The following CORO7 variants were observed in gnomAD, a reference collection of about 807,000 sequenced individuals.
The protein encoded by CORO7 is coronin-7.
In CORO7, 107 loss-of-function variants were observed where a neutral mutation model predicts 126.6. The ratio of observed to expected loss-of-function variants is 0.85; its 90% CI spans 0.72 to 0.99. CORO7 has a LOEUF of 0.99. CORO7 is among the 50% of genes least tolerant of loss of function. The probability of loss-of-function intolerance (pLI) is 0.00; values close to 1 mark genes in which losing one functional copy is unlikely to be tolerated. For missense variants in CORO7, 1,314 were observed against 1,255.8 expected (o/e 1.05, Z -0.70); for synonymous variants, 603 against 536.8 (o/e 1.12, Z -1.70).
At chr16:4,391,646 G>A (rs963236433) in intron 7 of CORO7, among the ~76,000 whole-genome samples, 9 of 152,250 alleles carry the variant, frequency 5.9e-5, no homozygotes, top group African/African-American at 2.2e-4. Context: ...CAGGAGGATT[G>A]CTTGAGCCCA....
rs1364335586 is a variant in CORO7 at position 4,388,624 on chromosome 16, T to C, written c.623A>G (p.Gln208Arg). ...GCTATCCCTGCTGTTCTCATGGGCC[T>C]GCGTGCTCTGCAGGAGGCAAGAGGT... Reference protein sequence around the residue: ...RTKPRASQSTQAHENSRDSRL... With the variant: ...RTKPRASQSTRAHENSRDSRL... The change falls in exon 8 of 28, where the codon CAG becomes CGG. Residue 208 changes from glutamine to arginine, a missense_variant. Physicochemically the swap from Gln to Arg is conservative, Grantham distance 43. Transcript: ENST00000251166. 4 of 1,611,278 alleles carry C rather than the reference T, an allele frequency of 2.5e-6. No homozygotes were observed. Among genetic ancestry groups the C allele is most frequent in the East Asian group, 2.2e-5 (1 of 44,834 alleles).
At chr16:4,401,156 G>T (rs1036300330) in intron 6 of CORO7, among the ~76,000 whole-genome samples, 3 of 152,230 alleles carry the variant, frequency 2.0e-5, no homozygotes, top group South Asian at 4.1e-4. Flanking sequence ...GAAGAACTTA[G>T]ACCTGGTCAT....
intron 9 of CORO7, among the ~76,000 whole-genome samples, chr16:4,373,454 C>T (rs965594837): frequency 5.3e-5 from 8 of 152,116 alleles, no homozygotes; most frequent in African/African-American, 1.9e-4. Context: ...GGTCCCAGGG[C>T]ATTTGTCCAG....
In CORO7 at chr16:4,407,572, T is replaced by A. The variant is rs747998521; in HGVS notation, c.416A>T (p.Asp139Val). ...VEVLQFHPTS[D>V]GILVSAAGTT... ...GCCTGCTGCGCTCACCAGAATGCCG[T>A]CAGAGGTGGGGTGGAACTGCAGTAC... Residue 139 changes from aspartate (D) to valine (V), a missense_variant, in exon 5 of 28, where the codon GAC becomes GTC. Coordinates refer to ENST00000251166, the MANE Select transcript of CORO7 (RefSeq NM_024535.5). The A allele has an allele frequency of 5.0e-6, 8 of 1,588,116 alleles. No homozygotes were observed. In the East Asian group the frequency reaches 1.8e-4, roughly 37 times the overall value.
At chr16:4,384,828 C>T (rs898921885) in intron 9 of CORO7, among the ~76,000 whole-genome samples, 23 of 152,178 alleles carry the variant, frequency 1.5e-4, no homozygotes, top group African/African-American at 3.1e-4. Flanking sequence ...GGAGTGGCTG[C>T]GGCCAGGCCT....
chr16:4,380,201 C>T (rs1156337809), intron 9 of CORO7, among the ~76,000 whole-genome samples: 10 of 152,302 alleles, frequency 6.6e-5, no homozygotes, highest in South Asian at 6.2e-4. Flanking sequence ...CTCAGCTCCC[C>T]GCCTCCCTCC....
At chr16:4,392,131 T>C (rs981852881) in intron 7 of CORO7, among the ~76,000 whole-genome samples, 4 of 152,092 alleles carry the variant, frequency 2.6e-5, no homozygotes, top group Non-Finnish European at 2.9e-5. Context: ...GAGGGCTCAA[T>C]CCGGGGCCCC....
chr16:4,374,020 CAAG>C (rs2054625840), intron 9 of CORO7, among the ~76,000 whole-genome samples: 1 of 152,258 alleles, frequency 6.6e-6, no homozygotes, highest in African/African-American at 2.4e-5. Context: ...TCTGTGCTGC[CAAG>C]AAAACCAGCT....
intron 7 of CORO7, among the ~76,000 whole-genome samples, chr16:4,394,045 G>A (rs938817537): frequency 7.2e-5 from 11 of 151,986 alleles, no homozygotes; most frequent in South Asian, 4.2e-4. Flanking sequence ...AGTTTCCAGC[G>A]AGCCGAGATT....
At chr16:4,355,235 T>C (rs372183745) in intron 27 of CORO7, 51 bp downstream of exon 27, 11 of 1,606,544 alleles carry the variant, frequency 6.8e-6, no homozygotes, top group African/African-American at 6.7e-5. Flanking sequence ...CACCGTGGCA[T>C]GTGCGAGGGA....
At position 4,360,273 on chromosome 16, in the gene CORO7, C is replaced by T. The variant is rs760528442; in HGVS notation, c.2108+5G>A. 1 of 1,613,412 alleles carries T rather than the reference C, an allele frequency of 6.2e-7. No individual in the cohort carries two copies. The highest frequency in any genetic ancestry group is 2.2e-5 in the East Asian group (1 of 44,832). ...GCCTGGGGATGGGGATGCCTGAGTC[C>T]TCACCTGTCAAAGCCAGACACCAGC... On this transcript the variant is annotated splice_donor_5th_base_variant and intron_variant, in intron 21 of 27. Transcript: ENST00000251166.
chr16:4,357,256 C>T lies in CORO7; in HGVS notation c.2597G>A (p.Ser866Asn), dbSNP rs1439417096. Residue 866 changes from serine to asparagine, a missense_variant, in exon 26 of 28, where the codon AGC becomes AAC. Ser to Asn is a conservative substitution (Grantham distance 46). Transcript: ENST00000251166. ...SLQPPDMSPV[S>N]QAPREAPARR... Reference sequence around the variant, plus strand: ...AGCAGGGGCCTCTCGGGGGGCTTGGCTCACTGGGACAGAGCAAGGACACGT... The same window carrying T: ...AGCAGGGGCCTCTCGGGGGGCTTGGTTCACTGGGACAGAGCAAGGACACGT... 1 of 1,612,642 alleles carries T rather than the reference C, an allele frequency of 6.2e-7. No individual in the cohort carries two copies.
chr16:4,378,271 G>A (rs1406292530), intron 9 of CORO7, among the ~76,000 whole-genome samples: 2 of 152,150 alleles, frequency 1.3e-5, no homozygotes, highest in South Asian at 2.1e-4. Context: ...GCACAGGGCC[G>A]CCTGCCTGGA....
chr16:4,412,923 G>T, intron 2 of CORO7: 1 of 233,876 alleles, frequency 4.3e-6, no homozygotes, highest in Non-Finnish European at 8.4e-6. Context: ...GTTACCACTA[G>T]CAATCAAGAG....
chr16:4,365,542 A>T lies in CORO7; in HGVS notation c.789T>A (p.Cys263Ter). 6.3e-7 allele frequency: 1 copy of T among 1,580,260 alleles called. No homozygotes were observed. Among genetic ancestry groups the T allele is most frequent in the African/African-American group, 1.3e-5 (1 of 74,156 alleles). The change falls in exon 10 of 28, where the codon TGT becomes TGA. Residue 263 changes from cysteine (C) to a stop codon, truncating the protein, a stop_gained. Coordinates refer to ENST00000251166, the MANE Select transcript of CORO7 (RefSeq NM_024535.5). LOFTEE classifies it high-confidence loss of function. ...ASLTLDTSLGCLVPLLDPDSG... is the reference protein window; with the variant it reads ...ASLTLDTSLG Reference sequence around the variant, plus strand: ...AGTCAGGGTCCAGCAGAGGCACGAGACACCTGGGGAAGAGAGGGCAAGATG... The same window carrying T: ...AGTCAGGGTCCAGCAGAGGCACGAGTCACCTGGGGAAGAGAGGGCAAGATG...
chr16:4,409,185 G>A (rs1339998513), intron 3 of CORO7, among the ~76,000 whole-genome samples: 1 of 152,212 alleles, frequency 6.6e-6, no homozygotes, highest in East Asian at 1.9e-4. Flanking sequence ...TCCCAACAGG[G>A]CTGAGCAGGA....
intron 7 of CORO7, among the ~76,000 whole-genome samples, chr16:4,391,558 A>AAAAC (rs1054284433): frequency 2.0e-5 from 3 of 152,084 alleles, no homozygotes; most frequent in East Asian, 1.9e-4. Context: ...TCTATCTCAA[A>AAAAC]AAACAAACAA....
At chr16:4,388,407 G>A in intron 8 of CORO7, 138 bp downstream of exon 8, 2 of 960,724 alleles carry the variant, frequency 2.1e-6, no homozygotes, top group Non-Finnish European at 3.1e-6. Context: ...CTGAGACCCG[G>A]CAGCACAGCC....
chr16:4,394,381 G>A lies in CORO7; in HGVS notation c.615+908C>T, dbSNP rs150659153. Among the ~76,000 whole-genome samples the A allele has an allele frequency of 2.8e-3, 429 of 151,724 alleles. 5 individuals are homozygous for A. The highest frequency in any genetic ancestry group is 9.9e-3 in the African/African-American group (408 of 41,324). Reference sequence around the variant, plus strand: ...AGAGAATGGTGTGAACCCAGGAGGCGGAACTTGCAGTGAGCCGAGATCACA... The same window carrying A: ...AGAGAATGGTGTGAACCCAGGAGGCAGAACTTGCAGTGAGCCGAGATCACA... On this transcript the variant is annotated intron_variant, in intron 7 of 27. Transcript: ENST00000251166.
Sources: gnomAD v4.1 joint callset for allele counts (sites outside exome capture counted in the v4.1 genomes callset) on GRCh38, gnomAD v4.1.1 for gene constraint, MANE v1.5 for transcripts, NCBI Gene and HGNC (gene_info 2026-07-23, HGNC 2026-07-21) for gene names.